Variants in TMEM182 observed in about 807,000 individuals in gnomAD.
TMEM182 encodes the protein transmembrane protein 182.
Under a neutral mutation model 26.8 loss-of-function variants are expected in TMEM182, and 20 were observed. That is an observed-to-expected ratio of 0.75 (90% confidence interval 0.53 to 1.09). The LOEUF (loss-of-function observed/expected upper bound fraction) is 1.09, where lower values mean the gene tolerates loss of function less well. TMEM182 is among the 50% of genes least tolerant of loss of function. The pLI, the probability that TMEM182 is intolerant of heterozygous loss-of-function variation, is 0.00. For missense variants in TMEM182, 277 were observed against 275.5 expected (o/e 1.01, Z -0.04); for synonymous variants, 109 against 102.2 (o/e 1.07, Z -0.40).
At chr2:102,743,349 AG>A (rs1679595971) in intron 1 of TMEM182, among the ~76,000 whole-genome samples, 1 of 152,120 alleles carries the variant, frequency 6.6e-6, no homozygotes. Context: ...AAACCAGAGA[AG>A]GGCCAGGCAT....
At chr2:102,828,675 C>T (rs959142813) in intron 3 of TMEM182, among the ~76,000 whole-genome samples, 1 of 152,142 alleles carries the variant, frequency 6.6e-6, no homozygotes, top group Non-Finnish European at 1.5e-5. Flanking sequence ...CCTAACTTTT[C>T]TAGCTGAACC....
chr2:102,814,446 G>A (rs1224155417), intron 4 of TMEM182, among the ~76,000 whole-genome samples: 2 of 152,096 alleles, frequency 1.3e-5, no homozygotes, highest in East Asian at 1.9e-4. Context: ...TTCTACAAGT[G>A]CTGAGATATT....
intron 3 of TMEM182, among the ~76,000 whole-genome samples, chr2:102,786,975 T>G (rs1410118919): frequency 6.6e-6 from 1 of 152,198 alleles, no homozygotes; most frequent in African/African-American, 2.4e-5. Context: ...AAATAAGTAT[T>G]AATCATCACA....
At chr2:102,737,046 G>A (rs1679373767) in intron 1 of TMEM182, 2 of 530,382 alleles carry the variant, frequency 3.8e-6, no homozygotes, top group Non-Finnish European at 6.6e-6. Context: ...TGATAATGAT[G>A]ATGCTCTTTG....
At chr2:102,758,168 A>G (rs547720606), upstream of TMEM182, among the ~76,000 whole-genome samples, 19 of 152,110 alleles carry the variant, frequency 1.2e-4, no homozygotes, top group Non-Finnish European at 2.4e-4. Flanking sequence ...GATTATTAGG[A>G]GTTGAGGTTG....
intron 3 of TMEM182, among the ~76,000 whole-genome samples, chr2:102,791,166 C>T (rs888945620): frequency 1.3e-5 from 2 of 152,116 alleles, no homozygotes; most frequent in African/African-American, 4.8e-5. Context: ...GAACTCCTGA[C>T]CACAAATGAT....
At chr2:102,778,319 C>A (rs1281268264) in intron 3 of TMEM182, among the ~76,000 whole-genome samples, 2 of 151,830 alleles carry the variant, frequency 1.3e-5, no homozygotes, top group Admixed American at 6.6e-5. Context: ...TATAGTGACT[C>A]CTACATTCTT....
rs915621783 is a variant in TMEM182 at position 102,796,607 on chromosome 2, C to A, written c.332-1256C>A. Among the ~76,000 whole-genome samples the A allele has an allele frequency of 2.6e-5, 4 of 152,350 alleles. No individual in the cohort carries two copies. The East Asian group carries it at 7.7e-4, about 29-fold the overall frequency. ...AGCTGACATTAGTATCTCTTCACTG[C>A]CCTGTTCCCTGCTGAGCCTGAATAC... On this transcript the variant is annotated intron_variant, in intron 3 of 4. Coordinates refer to ENST00000412401, the MANE Select transcript of TMEM182 (RefSeq NM_144632.5).
intron 4 of TMEM182, among the ~76,000 whole-genome samples, chr2:102,814,078 T>G (rs1008102423): frequency 1.5e-5 from 2 of 136,632 alleles, no homozygotes; most frequent in Non-Finnish European, 3.2e-5. Flanking sequence ...GTAATCAATC[T>G]TTAGTGTGTA....
upstream of TMEM182, chr2:102,758,405 G>T: frequency 2.8e-6 from 2 of 712,708 alleles, no homozygotes; most frequent in Non-Finnish European, 5.2e-6. Flanking sequence ...TGGAAAACTA[G>T]AAGAGTTTCA....
rs1263057824 is a variant in TMEM182, at chr2:102,816,526, A to AATAATG, written c.*1563_*1564insGATAAT. 7.3e-6 allele frequency: 7 copies of AATAATG among 960,818 alleles called. No homozygotes were observed. Among genetic ancestry groups the AATAATG allele is most frequent in the Non-Finnish European group, 8.6e-6 (7 of 809,642 alleles). 59.5% of individuals were successfully genotyped at this position (960,818 alleles called of 1,614,324 possible). A position where few individuals can be genotyped will look rare whatever the true frequency, so the allele number is the denominator to read the frequency against. ...AGGACTTGCCAATAATAATAATAAT[A>AATAATG]ATAATAATAATAATAATAATAAAGC... On this transcript the variant is annotated 3_prime_UTR_variant, in exon 5 of 5. Transcript: ENST00000412401.
intron 4 of TMEM182, among the ~76,000 whole-genome samples, chr2:102,813,412 T>C (rs968901721): frequency 6.6e-6 from 1 of 152,228 alleles, no homozygotes; most frequent in Non-Finnish European, 1.5e-5. Flanking sequence ...CTTTCAGACA[T>C]TCTAGCAATT....
At chr2:102,752,553 C>T (rs1439916040) in intron 1 of TMEM182, among the ~76,000 whole-genome samples, 1 of 152,224 alleles carries the variant, frequency 6.6e-6, no homozygotes, top group Non-Finnish European at 1.5e-5. Flanking sequence ...GACTATTTTA[C>T]AGTGATGCAA....
At chr2:102,823,234 T>C (rs1035586029) in intron 3 of TMEM182, among the ~76,000 whole-genome samples, 4 of 152,250 alleles carry the variant, frequency 2.6e-5, no homozygotes, top group East Asian at 1.9e-4. Context: ...AAATTTCTTA[T>C]GTATTTCTGA....
intron 1 of TMEM182, among the ~76,000 whole-genome samples, chr2:102,748,442 A>G (rs983088997): frequency 2.0e-5 from 3 of 152,244 alleles, no homozygotes; most frequent in Non-Finnish European, 4.4e-5. Context: ...TAATTTAGAC[A>G]TACTCGGGTT....
chr2:102,767,579 A>G (rs1466224088), intron 3 of TMEM182, among the ~76,000 whole-genome samples: 2 of 152,192 alleles, frequency 1.3e-5, no homozygotes, highest in African/African-American at 4.8e-5. Flanking sequence ...TGACCCCTCT[A>G]TCAGAGTGCT....
Position 102,813,621 on chromosome 2 carries a change from C to T in TMEM182, c.470-1127C>T, listed in dbSNP as rs183672675. ...GTTGCTTACTGGTGACTCTGCCCAG[C>T]GGACCCTGGAGCCTGCTGCTCAGCG... On this transcript the variant is annotated intron_variant, in intron 4 of 4. Coordinates refer to ENST00000412401, the MANE Select transcript of TMEM182 (RefSeq NM_144632.5). Among the ~76,000 whole-genome samples the T allele has an allele frequency of 2.6e-4, 40 of 152,294 alleles. 1 individual carries two copies. Among genetic ancestry groups the T allele is most frequent in the Admixed American group, 8.5e-4 (13 of 15,294 alleles).
intron 3 of TMEM182, among the ~76,000 whole-genome samples, chr2:102,836,269 T>C (rs1296400613): frequency 6.6e-6 from 1 of 152,192 alleles, no homozygotes; most frequent in Non-Finnish European, 1.5e-5. Context: ...AATTGCTGGA[T>C]CATATGATAA....
chr2:102,793,539 C>T (rs1428878243), intron 3 of TMEM182, among the ~76,000 whole-genome samples: 1 of 152,096 alleles, frequency 6.6e-6, no homozygotes. Context: ...GACCCATCCC[C>T]CTGAGGATAT....
Sources: gnomAD v4.1 joint callset for allele counts (sites outside exome capture counted in the v4.1 genomes callset) on GRCh38, gnomAD v4.1.1 for gene constraint, MANE v1.5 for transcripts, NCBI Gene and HGNC (gene_info 2026-07-23, HGNC 2026-07-21) for gene names.